The following AOX1 variants were observed in gnomAD, a reference collection of about 807,000 sequenced individuals.
AOX1 encodes the protein aldehyde oxidase 1.
Under a neutral mutation model 169.5 loss-of-function variants are expected in AOX1, and 153 were observed. The observed-to-expected ratio is 0.90, with a 90% CI of 0.79 to 1.03. The LOEUF is 1.03. AOX1 is among the 50% of genes least tolerant of loss of function. The probability of loss-of-function intolerance (pLI) is 0.00; values close to 1 mark genes in which losing one functional copy is unlikely to be tolerated. For missense variants in AOX1, 1,656 were observed against 1,663.9 expected, an observed-to-expected ratio of 1.00 and a Z score of 0.08; for synonymous variants, 562 against 581.9, an observed-to-expected ratio of 0.97 and a Z score of 0.49.
At chr2:200,617,807 G>A (rs2034795620) in intron 16 of AOX1, among the ~76,000 whole-genome samples, 1 of 152,086 alleles carries the variant, frequency 6.6e-6, no homozygotes, top group Admixed American at 6.6e-5. Context: ...TGTGGTTCAG[G>A]TTGAGAGCCC....
intron 26 of AOX1, among the ~76,000 whole-genome samples, chr2:200,651,879 G>A (rs555815693): frequency 3.3e-4 from 50 of 152,182 alleles, no homozygotes; most frequent in Non-Finnish European, 5.6e-4. Flanking sequence ...CTAACGGCTG[G>A]TGAAGGACTG....
At position 200,620,252 on chromosome 2, in the gene AOX1, G is replaced by A. The variant is rs377389864; in HGVS notation, c.1705-398G>A. ...CTTGCTCTGTCTCCCAGGCCGGGGT[G>A]CAGTGCTGTGATCTTGGCTCGCTGC... On this transcript the variant is annotated intron_variant, in intron 16 of 34. Coordinates refer to ENST00000374700, the MANE Select transcript of AOX1 (RefSeq NM_001159.4). Among the ~76,000 whole-genome samples, 6 of 149,354 alleles carry A rather than the reference G, an allele frequency of 4.0e-5. 1 individual carries two copies.
intron 26 of AOX1, among the ~76,000 whole-genome samples, chr2:200,654,809 T>C (rs2035650223): frequency 6.6e-6 from 1 of 152,256 alleles, no homozygotes; most frequent in South Asian, 2.1e-4. Context: ...GCTTGTTTTA[T>C]AGATGAAGCT....
At chr2:200,648,918 G>T (rs1042257238) in intron 25 of AOX1, among the ~76,000 whole-genome samples, 1 of 152,090 alleles carries the variant, frequency 6.6e-6, no homozygotes, top group Non-Finnish European at 1.5e-5. Flanking sequence ...AAGCAGAAGG[G>T]TTGGTCTCAC....
intron 21 of AOX1, 62 bp from the exon 22 acceptor site, chr2:200,636,849 C>T (rs1265784523): frequency 6.5e-7 from 1 of 1,542,028 alleles, no homozygotes; most frequent in Non-Finnish European, 8.8e-7. Flanking sequence ...GTGACAATGA[C>T]AGTCACAATT....
At chr2:200,640,737 A>G (rs1186971018) in intron 23 of AOX1, among the ~76,000 whole-genome samples, 2 of 152,224 alleles carry the variant, frequency 1.3e-5, no homozygotes, top group South Asian at 4.1e-4. Flanking sequence ...GACAGAAGCC[A>G]TTGTCATAAT....
chr2:200,641,304 G>A (rs2035347881), intron 24 of AOX1, 120 bp downstream of exon 24: 2 of 664,774 alleles, frequency 3.0e-6, no homozygotes, highest in Non-Finnish European at 2.5e-6. Context: ...GACCATCCTT[G>A]CAGGGATAGC....
At chr2:200,676,571 G>T (rs982126331) in intron 4 of AOX1, among the ~76,000 whole-genome samples, 4 of 146,360 alleles carry the variant, frequency 2.7e-5, no homozygotes, top group Non-Finnish European at 4.5e-5. Flanking sequence ...TTGCACTCCA[G>T]CCTGGGTGAC....
intron 12 of AOX1, 53 bp from the exon 13 acceptor site, chr2:200,611,331 G>A (rs868073481): frequency 1.5e-6 from 2 of 1,313,018 alleles, no homozygotes; most frequent in Middle Eastern, 3.7e-4. Context: ...AGTTTTGGAA[G>A]TTTATTTAAC....
downstream of AOX1, among the ~76,000 whole-genome samples, chr2:200,673,741 C>A (rs898135777): frequency 6.6e-6 from 1 of 152,172 alleles, no homozygotes; most frequent in East Asian, 1.9e-4. Flanking sequence ...GAACATGTCC[C>A]AAATCCCTAA....
chr2:200,652,562 G>A (rs960763752), intron 26 of AOX1, among the ~76,000 whole-genome samples: 3 of 152,214 alleles, frequency 2.0e-5, no homozygotes, highest in African/African-American at 7.2e-5. Flanking sequence ...GAGGTCAGCT[G>A]GGGCTGTCTG....
In AOX1 at chr2:200,602,346, G is replaced by T. The variant is rs2034433403; in HGVS notation, c.498+1G>T. 6.2e-7 allele frequency: 1 copy of T among 1,613,176 alleles called. No individual in the cohort carries two copies. Among genetic ancestry groups the T allele is most frequent in the Non-Finnish European group, 8.5e-7 (1 of 1,179,522 alleles). The stretch of plus-strand genomic sequence containing the variant: ...TGATGCATGCAAGACTTTCTGTAAA[G>T]TAAGTGGAAAGGACCACATGTTTGA... On this transcript the variant is annotated splice_donor_variant, in intron 6 of 34. Transcript: ENST00000374700. LOFTEE classifies it high-confidence loss of function.
At chr2:200,672,794 T>C (rs1455165402), downstream of AOX1, among the ~76,000 whole-genome samples, 1 of 152,134 alleles carries the variant, frequency 6.6e-6, no homozygotes, top group Non-Finnish European at 1.5e-5. Flanking sequence ...AAAGCCCTCC[T>C]GAGGAAATGA....
intron 20 of AOX1, among the ~76,000 whole-genome samples, chr2:200,627,818 T>TCA (rs2035038154): frequency 6.6e-6 from 1 of 152,154 alleles, no homozygotes; most frequent in Admixed American, 6.5e-5. Context: ...GTGACCAAGG[T>TCA]CACACAACAA....
chr2:200,671,037 C>A lies in AOX1; in HGVS notation c.*358C>A, dbSNP rs2036019510. ...AGAAATTATACCATATAGTGAAAGG[C>A]AATTTTCTAAATAATTTCATTACTA... is the stretch of plus-strand genomic sequence containing the variant. On this transcript the variant is annotated 3_prime_UTR_variant, in exon 35 of 35. Transcript: ENST00000374700. 4.9e-6 allele frequency: 1 copy of A among 205,122 alleles called. No homozygotes were observed. The highest frequency in any genetic ancestry group is 1.1e-4 in the East Asian group (1 of 8,888). The allele number at this position is 205,122 out of a possible 1,614,324, so 12.7% of individuals were successfully genotyped here. A position where few individuals can be genotyped will look rare whatever the true frequency, so the allele number is the denominator to read the frequency against.
At chr2:200,631,749 T>G (rs2035129451) in intron 20 of AOX1, among the ~76,000 whole-genome samples, 1 of 152,198 alleles carries the variant, frequency 6.6e-6, no homozygotes, top group Non-Finnish European at 1.5e-5. Flanking sequence ...TCTAATTTTT[T>G]TAGCTCTGAA....
rs73044179 is a variant in AOX1, at chr2:200,592,747, G to A, written c.46-399G>A. 6.6e-3 allele frequency among the ~76,000 whole-genome samples: 1,011 copies of A among 152,120 alleles called. 13 individuals carry two copies. Among genetic ancestry groups the A allele is most frequent in the African/African-American group, 0.023 (971 of 41,474 alleles). Reference sequence around the variant, plus strand: ...AATTAACTATATCAATTTCTCAGAGGCTATTCTATTCCAGCAATTCCCCTC... The same window carrying A: ...AATTAACTATATCAATTTCTCAGAGACTATTCTATTCCAGCAATTCCCCTC... On this transcript the variant is annotated intron_variant, in intron 1 of 34. Transcript: ENST00000374700.
intron 27 of AOX1, among the ~76,000 whole-genome samples, chr2:200,658,407 A>G (rs2035737730): frequency 6.6e-6 from 1 of 152,214 alleles, no homozygotes; most frequent in Admixed American, 6.5e-5. Flanking sequence ...GTAAGATTTC[A>G]GTGTTTTCCT....
chr2:200,590,622 G>A lies in AOX1; in HGVS notation c.46-2524G>A, dbSNP rs143728101. ...TTCAAACTGGTGGGACTTTGAGCCA[G>A]ATTCCAATCCCTTGAAACATTTCCT... On this transcript the variant is annotated intron_variant, in intron 1 of 34. Coordinates refer to ENST00000374700, the MANE Select transcript of AOX1 (RefSeq NM_001159.4). Among the ~76,000 whole-genome samples the A allele has an allele frequency of 5.6e-3, 860 of 152,284 alleles. 5 individuals are homozygous for A. Among genetic ancestry groups the A allele is most frequent in the Non-Finnish European group, 0.01 (701 of 68,020 alleles).
Sources: allele counts gnomAD v4.1 joint callset (sites outside exome capture counted in the v4.1 genomes callset), GRCh38; gene constraint gnomAD v4.1.1; transcripts MANE v1.5; gene names NCBI Gene and HGNC (gene_info 2026-07-23, HGNC 2026-07-21).